Variants in AHCTF1 observed in about 807,000 individuals in gnomAD.
The protein encoded by AHCTF1 is AT-hook containing transcription factor 1, also known as protein ELYS.
AHCTF1 carries 24 observed loss-of-function variants against 248.4 expected under a neutral mutation model. The observed-to-expected ratio is 0.10, with a 90% confidence interval of 0.07 to 0.14. AHCTF1 has a LOEUF of 0.14. Ranked by LOEUF, AHCTF1 falls within the 10% of genes least tolerant of loss-of-function variation. The pLI is 1.00. For synonymous variants in AHCTF1, 786 were observed against 929.8 expected (o/e 0.85, Z 2.81); for missense variants, 2,206 against 2,636.2 (o/e 0.84, Z 3.57).
intron 1 of AHCTF1, among the ~76,000 whole-genome samples, chr1:246,930,971 G>A (rs905872089): frequency 1.3e-5 from 2 of 152,138 alleles, no homozygotes. Flanking sequence ...GTCAACCAGT[G>A]GCAAAAGAAA....
At chr1:246,876,220 C>A (rs757836741) in intron 23 of AHCTF1, 33 bp from the exon 24 acceptor site, 12 of 1,521,246 alleles carry the variant, frequency 7.9e-6, no homozygotes, top group Admixed American at 5.9e-5. Flanking sequence ...AAAAATTTAA[C>A]CTTCAAAATG....
At chr1:246,862,275 T>C (rs984721442) in intron 27 of AHCTF1, 122 bp from the exon 28 acceptor site, 1 of 588,796 alleles carries the variant, frequency 1.7e-6, no homozygotes, top group African/African-American at 1.9e-5. Flanking sequence ...GGTCAGGAGA[T>C]CGAGACCATC....
intron 21 of AHCTF1, among the ~76,000 whole-genome samples, chr1:246,879,330 G>A (rs897509031): frequency 6.6e-6 from 1 of 152,064 alleles, no homozygotes; most frequent in African/African-American, 2.4e-5. Context: ...TTGAGAGGAG[G>A]ATTAAGTTGT....
chr1:246,868,983 T>G (rs556951238), intron 24 of AHCTF1, among the ~76,000 whole-genome samples: 1 of 143,080 alleles, frequency 7.0e-6, no homozygotes, highest in Non-Finnish European at 1.5e-5. Flanking sequence ...TAGCTGGGAC[T>G]ACAGGCGCCC....
At chr1:246,919,215 CAA>C (rs1302287682) in intron 1 of AHCTF1, among the ~76,000 whole-genome samples, 4 of 152,110 alleles carry the variant, frequency 2.6e-5, no homozygotes, top group Admixed American at 2.6e-4. Context: ...AAGCCTAGGA[CAA>C]AGAGAACTAA....
chr1:246,888,348 C>T (rs779102324), intron 18 of AHCTF1, 46 bp downstream of exon 18: 1 of 1,612,174 alleles, frequency 6.2e-7, no homozygotes, highest in Non-Finnish European at 8.5e-7. Context: ...CTCCTCCCTC[C>T]CCAGCTTTGT....
Position 246,861,600 on chromosome 1 carries a change from A to G in AHCTF1, c.3736-305T>C, listed in dbSNP as rs12034769. ...CAGTGGACCTCAAGACACACCCTCA[A>G]AAACATATAACTAGTTAGAAACAAC... On this transcript the variant is annotated intron_variant, in intron 28 of 35. Coordinates refer to ENST00000648844, the MANE Select transcript of AHCTF1 (RefSeq NM_001323342.2). Among the ~76,000 whole-genome samples, 167 of 152,350 alleles carry G rather than the reference A, an allele frequency of 1.1e-3. No individual in the cohort carries two copies. In the East Asian group the frequency reaches 0.025, roughly 23 times the overall value.
intron 12 of AHCTF1, among the ~76,000 whole-genome samples, chr1:246,897,778 TA>T (rs1429632720): frequency 6.6e-6 from 1 of 151,912 alleles, no homozygotes; most frequent in Non-Finnish European, 1.5e-5. Context: ...GCCTGGTGTT[TA>T]AGACCAGCCT....
At chr1:246,878,689 C>T (rs1391726976) in intron 21 of AHCTF1, among the ~76,000 whole-genome samples, 1 of 152,164 alleles carries the variant, frequency 6.6e-6, no homozygotes, top group Non-Finnish European at 1.5e-5. Flanking sequence ...CAAGATTGCA[C>T]TGCCCTATAC....
chr1:246,893,182 AAT>A (rs1033959873), intron 14 of AHCTF1, among the ~76,000 whole-genome samples: 2 of 152,192 alleles, frequency 1.3e-5, no homozygotes, highest in Non-Finnish European at 2.9e-5. Context: ...CTCTTAAAAA[AAT>A]GAGGACATTT....
At chr1:246,896,287 T>C (rs1207929272) in intron 12 of AHCTF1, among the ~76,000 whole-genome samples, 1 of 152,210 alleles carries the variant, frequency 6.6e-6, no homozygotes, top group African/African-American at 2.4e-5. Context: ...AGCACCATTA[T>C]TAATAGCCAT....
chr1:246,885,815 T>C (rs1302685748), intron 20 of AHCTF1, 135 bp from the exon 21 acceptor site: 2 of 831,114 alleles, frequency 2.4e-6, no homozygotes, highest in Non-Finnish European at 3.7e-6. Context: ...TCTACTTTAA[T>C]CTGTGCTATA....
rs555450441 is a variant in AHCTF1, at chr1:246,887,410, G to A, written c.2326-53C>T. 1.7e-5 allele frequency: 26 copies of A among 1,515,234 alleles called. No homozygotes were observed. The East Asian group carries it at 1.8e-4, about 11-fold the overall frequency. 93.9% of individuals were successfully genotyped at this position (1,515,234 alleles called of 1,614,324 possible). A position where few individuals can be genotyped will look rare whatever the true frequency, so the allele number is the denominator to read the frequency against. On this transcript the variant is annotated intron_variant, in intron 19 of 35. Coordinates refer to ENST00000648844, the MANE Select transcript of AHCTF1 (RefSeq NM_001323342.2). Reference sequence around the variant, plus strand: ...AAATACAACAACAAAAACCTCCTACGTATATATTTACAATAGGTAGCAACA... The same window carrying A: ...AAATACAACAACAAAAACCTCCTACATATATATTTACAATAGGTAGCAACA...
chr1:246,868,902 T>C (rs1460926578), intron 24 of AHCTF1, among the ~76,000 whole-genome samples: 1 of 148,088 alleles, frequency 6.8e-6, no homozygotes, highest in Non-Finnish European at 1.5e-5. Context: ...TGGAGTGCAG[T>C]GGTGTGATCT....
intron 29 of AHCTF1, among the ~76,000 whole-genome samples, chr1:246,858,581 G>A (rs1371524321): frequency 6.6e-6 from 1 of 152,020 alleles, no homozygotes; most frequent in Non-Finnish European, 1.5e-5. Context: ...TGTAATCCCA[G>A]CACTCTGGGA....
rs201763321 is a variant in AHCTF1 at position 246,926,665 on chromosome 1, CACTA to C, written c.-8+4909_-8+4912del. 6.7e-3 allele frequency among the ~76,000 whole-genome samples: 1,015 copies of C among 152,112 alleles called. 9 individuals are homozygous for C. The highest frequency in any genetic ancestry group is 0.03 in the South Asian group (146 of 4,822). On this transcript the variant is annotated intron_variant, in intron 1 of 35. Transcript: ENST00000648844. ...GAGGTCAGGAGTTCAAGACCAGCCTCACTAACAGGGTGAAATCCCGTCTCTACTA... is the reference window on the plus strand; with the variant it reads ...GAGGTCAGGAGTTCAAGACCAGCCTCACAGGGTGAAATCCCGTCTCTACTA...
At chr1:246,926,046 TAAAAA>T (rs35982364) in intron 1 of AHCTF1, among the ~76,000 whole-genome samples, 1 of 121,268 alleles carries the variant, frequency 8.2e-6, no homozygotes, top group Non-Finnish European at 1.7e-5. Flanking sequence ...ACCCTGTCTT[TAAAAA>T]AAAAAAAAAA....
chr1:246,898,460 CTA>C, intron 11 of AHCTF1, 124 bp from the exon 12 acceptor site: 1 of 1,052,808 alleles, frequency 9.5e-7, no homozygotes, highest in Non-Finnish European at 1.4e-6. Flanking sequence ...TTATGAAAGA[CTA>C]TATTTCCTGC....
At chr1:246,857,644 A>T in intron 30 of AHCTF1, 47 bp downstream of exon 30, 2 of 1,554,242 alleles carry the variant, frequency 1.3e-6, no homozygotes, top group Non-Finnish European at 1.7e-6. Context: ...TCATAATTTC[A>T]TTAAACTTCT....
Sources: gnomAD v4.1 joint callset for allele counts (sites outside exome capture counted in the v4.1 genomes callset) on GRCh38, gnomAD v4.1.1 for gene constraint, MANE v1.5 for transcripts, NCBI Gene and HGNC (gene_info 2026-07-23, HGNC 2026-07-21) for gene names.